DIAPH3: variants seen among roughly 807,000 people sequenced by gnomAD.
DIAPH3 encodes the protein diaphanous related formin 3, also known as protein diaphanous homolog 3.
In DIAPH3, 117 loss-of-function variants were observed where a neutral mutation model predicts 144.3. The ratio of observed to expected loss-of-function variants is 0.81; its 90% CI spans 0.70 to 0.95. The LOEUF is 0.95. Ranked by LOEUF, DIAPH3 falls within the 40% of genes least tolerant of loss-of-function variation. DIAPH3 has a pLI of 0.00. For missense variants in DIAPH3, 1,421 were observed against 1,412.7 expected (o/e 1.01, Z -0.09); for synonymous variants, 519 against 488.9 (o/e 1.06, Z -0.81).
chr13:59,965,333 C>G (rs991473455), intron 17 of DIAPH3, among the ~76,000 whole-genome samples: 6 of 152,108 alleles, frequency 3.9e-5, no homozygotes, highest in Non-Finnish European at 7.4e-5. Flanking sequence ...ATTGTGGAAC[C>G]ACATTTTCAT....
intron 4 of DIAPH3, among the ~76,000 whole-genome samples, chr13:60,087,648 A>C (rs1445584926): frequency 6.6e-6 from 1 of 152,190 alleles, no homozygotes; most frequent in African/African-American, 2.4e-5. Context: ...TAAAAACTTT[A>C]TCCAAAACTT....
At chr13:60,039,933 ATATTCAAAAG>A (rs1166746945) in intron 5 of DIAPH3, among the ~76,000 whole-genome samples, 1 of 152,094 alleles carries the variant, frequency 6.6e-6, no homozygotes, top group Non-Finnish European at 1.5e-5. Flanking sequence ...GGACAAAGAA[ATATTCAAAAG>A]TATCTTCTTG....
intron 1 of DIAPH3, among the ~76,000 whole-genome samples, chr13:60,157,160 T>A (rs1257470030): frequency 1.3e-5 from 2 of 151,682 alleles, no homozygotes; most frequent in Non-Finnish European, 2.9e-5. Flanking sequence ...GGCCAGGCTG[T>A]CATCGAACTC....
intron 27 of DIAPH3, among the ~76,000 whole-genome samples, chr13:59,750,266 T>A (rs1026921834): frequency 6.6e-6 from 1 of 152,212 alleles, no homozygotes; most frequent in Non-Finnish European, 1.5e-5. Context: ...TTGCTATGTT[T>A]ACACAATAGC....
At chr13:59,859,749 A>C (rs1399648138) in intron 22 of DIAPH3, among the ~76,000 whole-genome samples, 1 of 152,170 alleles carries the variant, frequency 6.6e-6, no homozygotes, top group Non-Finnish European at 1.5e-5. Context: ...TCCCTGAGGT[A>C]AAAGTTATTT....
chr13:59,714,456 G>A (rs117385750), intron 27 of DIAPH3, among the ~76,000 whole-genome samples: 4,439 of 152,056 alleles, frequency 0.029, 89 homozygotes, highest in Middle Eastern at 0.045. Context: ...GATTGTATGA[G>A]CTCAGGAGTT....
At chr13:59,784,620 G>C (rs2038931782) in intron 25 of DIAPH3, among the ~76,000 whole-genome samples, 1 of 147,734 alleles carries the variant, frequency 6.8e-6, no homozygotes, top group African/African-American at 2.5e-5. Context: ...CAGGCAATCT[G>C]CCTGCTTCGG....
intron 25 of DIAPH3, among the ~76,000 whole-genome samples, chr13:59,786,110 T>G (rs372472949): frequency 5.3e-5 from 8 of 152,154 alleles, no homozygotes; most frequent in Admixed American, 5.2e-4. Flanking sequence ...AGCAAGACCC[T>G]GTCTCAAAAA....
chr13:60,060,886 G>T (rs2141291406), intron 4 of DIAPH3, among the ~76,000 whole-genome samples: 1 of 152,002 alleles, frequency 6.6e-6, no homozygotes, highest in South Asian at 2.1e-4. Flanking sequence ...TAAAAACCCA[G>T]CTATCCACCT....
chr13:59,952,748 T>G (rs961474255), intron 17 of DIAPH3, among the ~76,000 whole-genome samples: 1 of 152,122 alleles, frequency 6.6e-6, no homozygotes, highest in Admixed American at 6.5e-5. Context: ...ATATTTCTAC[T>G]CCCCTTCCAA....
At chr13:59,927,666 C>T (rs1275920411) in intron 17 of DIAPH3, among the ~76,000 whole-genome samples, 1 of 152,104 alleles carries the variant, frequency 6.6e-6, no homozygotes, top group Non-Finnish European at 1.5e-5. Context: ...AGCATTCTTA[C>T]CTGACAGTTA....
At chr13:60,017,704 A>G (rs2053750056) in intron 5 of DIAPH3, among the ~76,000 whole-genome samples, 1 of 152,222 alleles carries the variant, frequency 6.6e-6, no homozygotes, top group Non-Finnish European at 1.5e-5. Context: ...ATCTCTTGTC[A>G]GACAATATTT....
intron 27 of DIAPH3, among the ~76,000 whole-genome samples, chr13:59,748,452 C>T (rs2036814582): frequency 6.6e-6 from 1 of 152,226 alleles, no homozygotes; most frequent in Non-Finnish European, 1.5e-5. Flanking sequence ...TTCACCTGTG[C>T]TCAGAACCCT....
intron 4 of DIAPH3, among the ~76,000 whole-genome samples, chr13:60,071,959 G>C (rs2057223914): frequency 6.6e-6 from 1 of 151,708 alleles, no homozygotes; most frequent in Non-Finnish European, 1.5e-5. Flanking sequence ...CCCCAATTCT[G>C]CTTCCCATCA....
At chr13:60,057,359 A>T (rs2056596346) in intron 4 of DIAPH3, among the ~76,000 whole-genome samples, 1 of 152,012 alleles carries the variant, frequency 6.6e-6, no homozygotes, top group Non-Finnish European at 1.5e-5. Context: ...AAAGATCTCT[A>T]CAGGGAGAAC....
intron 20 of DIAPH3, among the ~76,000 whole-genome samples, chr13:59,895,022 T>C (rs2046009814): frequency 6.6e-6 from 1 of 152,004 alleles, no homozygotes; most frequent in African/African-American, 2.4e-5. Flanking sequence ...CTAATGACAG[T>C]TTCAGCATAA....
intron 19 of DIAPH3, among the ~76,000 whole-genome samples, chr13:59,915,069 T>C (rs1211365797): frequency 6.6e-6 from 1 of 152,158 alleles, no homozygotes; most frequent in Non-Finnish European, 1.5e-5. Flanking sequence ...AGCTACTCTG[T>C]AAATATTTAA....
intron 4 of DIAPH3, among the ~76,000 whole-genome samples, chr13:60,084,054 AT>A (rs1237642295): frequency 1.4e-4 from 22 of 151,948 alleles, no homozygotes; most frequent in South Asian, 8.4e-4. Context: ...AGATAGATAG[AT>A]AGATAGAAAG....
chr13:60,044,291 TATTA>T (rs971996292), intron 4 of DIAPH3: 20 of 152,232 alleles, frequency 1.3e-4, no homozygotes, highest in African/African-American at 3.9e-4. Flanking sequence ...TTTTTGTTTT[TATTA>T]ATTTACTATA....
Sources: allele counts gnomAD v4.1 joint callset (sites outside exome capture counted in the v4.1 genomes callset), GRCh38; gene constraint gnomAD v4.1.1; transcripts MANE v1.5; gene names NCBI Gene and HGNC (gene_info 2026-07-23, HGNC 2026-07-21).